Variants in GABBR2 observed in about 807,000 individuals in gnomAD.
The protein encoded by GABBR2 is G-protein coupled receptor 51.
A neutral mutation model predicts 105.6 loss-of-function variants in GABBR2; 23 were observed. The observed-to-expected ratio is 0.22, with a 90% CI of 0.16 to 0.31. The LOEUF is 0.31. GABBR2 is among the 10% of genes least tolerant of loss of function. GABBR2 has a pLI of 1.00. For synonymous variants in GABBR2, 478 were observed against 499.7 expected, an observed-to-expected ratio of 0.96 and a Z score of 0.58; for missense variants, 734 against 1,245.5, an observed-to-expected ratio of 0.59 and a Z score of 6.18.
chr9:98,514,736 A>G (rs1344571123), intron 3 of GABBR2, among the ~76,000 whole-genome samples: 1 of 151,952 alleles, frequency 6.6e-6, no homozygotes, highest in Non-Finnish European at 1.5e-5. Context: ...CCAACATGGC[A>G]CATGTATATA....
chr9:98,685,234 T>C (rs1288025481), intron 1 of GABBR2, among the ~76,000 whole-genome samples: 4 of 152,244 alleles, frequency 2.6e-5, no homozygotes, highest in Non-Finnish European at 5.9e-5. Flanking sequence ...GCTTTTGGAC[T>C]TTGGGAACTA....
intron 2 of GABBR2, among the ~76,000 whole-genome samples, chr9:98,564,524 G>A (rs186618386): frequency 1.6e-3 from 245 of 152,334 alleles, no homozygotes; most frequent in Non-Finnish European, 2.9e-3. Flanking sequence ...ACCTCTTTGT[G>A]CCTCAGTTTT....
At chr9:98,658,168 A>G (rs1179578175) in intron 1 of GABBR2, among the ~76,000 whole-genome samples, 3 of 152,178 alleles carry the variant, frequency 2.0e-5, no homozygotes, top group African/African-American at 7.2e-5. Context: ...TGATTAATAA[A>G]CAAGGAAGTT....
At chr9:98,385,078 A>G (rs1041127528) in intron 11 of GABBR2, among the ~76,000 whole-genome samples, 1 of 152,180 alleles carries the variant, frequency 6.6e-6, no homozygotes, top group Non-Finnish European at 1.5e-5. Context: ...TTCCTTCTTA[A>G]ACGATCCTGA....
intron 13 of GABBR2, among the ~76,000 whole-genome samples, chr9:98,325,102 T>A (rs1389235144): frequency 1.3e-5 from 2 of 152,128 alleles, no homozygotes. Context: ...TTTCTTTGCA[T>A]ACCTCTGGTG....
At chr9:98,321,908 CCCAGCCCTGG>C (rs1830828808) in intron 13 of GABBR2, among the ~76,000 whole-genome samples, 1 of 152,158 alleles carries the variant, frequency 6.6e-6, no homozygotes, top group Non-Finnish European at 1.5e-5. Flanking sequence ...AGGGCCACAG[CCCAGCCCTGG>C]CCTGAAACTC....
intron 13 of GABBR2, among the ~76,000 whole-genome samples, chr9:98,359,393 G>T (rs1351690108): frequency 3.9e-5 from 6 of 152,078 alleles, no homozygotes; most frequent in Non-Finnish European, 7.4e-5. Flanking sequence ...TCATGCCACT[G>T]CACTCCAGCC....
chr9:98,510,737 T>C (rs561487780), intron 3 of GABBR2, among the ~76,000 whole-genome samples: 148 of 152,004 alleles, frequency 9.7e-4, no homozygotes, highest in African/African-American at 3.4e-3. Flanking sequence ...TAAATATATA[T>C]GCACCCAATA....
Position 98,481,697 on chromosome 9 carries a change from G to A in GABBR2, c.733-700C>T, listed in dbSNP as rs147447498. ...GGATAATGGTAGTACGTTCCTTACC[G>A]GATTTCTGGGAAGACTAAGTGAAAT... is the stretch of plus-strand genomic sequence containing the variant. On this transcript the variant is annotated intron_variant, in intron 4 of 18. Coordinates refer to ENST00000259455, the MANE Select transcript of GABBR2 (RefSeq NM_005458.8). Among the ~76,000 whole-genome samples, 684 of 152,278 alleles carry A rather than the reference G, an allele frequency of 4.5e-3. 2 individuals carry two copies. The highest frequency in any genetic ancestry group is 6.9e-3 in the Non-Finnish European group (471 of 68,028).
chr9:98,637,870 T>C (rs1829902500), intron 1 of GABBR2, among the ~76,000 whole-genome samples: 1 of 152,194 alleles, frequency 6.6e-6, no homozygotes, highest in African/African-American at 2.4e-5. Context: ...TTTATGGTCA[T>C]TTGTTACAGC....
rs193124016 is a variant in GABBR2 at position 98,618,325 on chromosome 9, G to C, written c.322-40253C>G. 3.3e-5 allele frequency among the ~76,000 whole-genome samples: 5 copies of C among 152,204 alleles called. 1 individual carries two copies. Among genetic ancestry groups the C allele is most frequent in the Admixed American group, 2.6e-4 (4 of 15,288 alleles). ...AATCTTGACTTTGTGGGGATTGTTCGATCACAATAGTTGGGGGTTTGTGCG... is the reference window on the plus strand; with the variant it reads ...AATCTTGACTTTGTGGGGATTGTTCCATCACAATAGTTGGGGGTTTGTGCG... On this transcript the variant is annotated intron_variant, in intron 1 of 18. Transcript: ENST00000259455.
At chr9:98,504,814 G>C (rs1289152078) in intron 3 of GABBR2, among the ~76,000 whole-genome samples, 1 of 152,188 alleles carries the variant, frequency 6.6e-6, no homozygotes, top group Non-Finnish European at 1.5e-5. Flanking sequence ...CACCGCTGTA[G>C]CTAAGATGCT....
chr9:98,701,206 G>T (rs1192162659), intron 1 of GABBR2, among the ~76,000 whole-genome samples: 2 of 152,182 alleles, frequency 1.3e-5, no homozygotes, highest in Non-Finnish European at 2.9e-5. Context: ...TCCCTTTAAA[G>T]ATAAAGTGAG....
intron 2 of GABBR2, among the ~76,000 whole-genome samples, chr9:98,577,453 G>T (rs2779525): frequency 0.12 from 17,949 of 152,242 alleles, 1,391 homozygotes; most frequent in Admixed American, 0.21. Flanking sequence ...AAAGGCAGTC[G>T]TAGATAACAA....
chr9:98,645,428 C>G (rs1168575812), intron 1 of GABBR2, among the ~76,000 whole-genome samples: 4 of 152,262 alleles, frequency 2.6e-5, no homozygotes, highest in Non-Finnish European at 5.9e-5. Context: ...GGGAAAGAAG[C>G]TAGAAGAAGG....
At chr9:98,418,719 G>A (rs758516177) in intron 7 of GABBR2, among the ~76,000 whole-genome samples, 11 of 152,244 alleles carry the variant, frequency 7.2e-5, no homozygotes, top group Non-Finnish European at 1.6e-4. Flanking sequence ...GGTTTGGGCA[G>A]ACAGATGGAG....
intron 1 of GABBR2, among the ~76,000 whole-genome samples, chr9:98,705,812 C>T (rs1236095985): frequency 6.6e-6 from 1 of 152,204 alleles, no homozygotes; most frequent in East Asian, 1.9e-4. Context: ...CACGGTGGCT[C>T]ATGCCTGTAA....
intron 5 of GABBR2, among the ~76,000 whole-genome samples, chr9:98,479,801 T>A (rs1826875008): frequency 6.6e-6 from 1 of 152,216 alleles, no homozygotes; most frequent in Non-Finnish European, 1.5e-5. Flanking sequence ...CTCATGCTGA[T>A]GACCTTAGTT....
Position 98,293,828 on chromosome 9 carries a change from G to A in GABBR2, c.2617C>T (p.Arg873Ter), listed in dbSNP as rs1249423869. 6.2e-7 allele frequency: 1 copy of A among 1,610,684 alleles called. No homozygotes were observed. The highest frequency in any genetic ancestry group is 8.5e-7 in the Non-Finnish European group (1 of 1,176,988). ...QLQWNTTEPS[R>*]TCKDPIEDIN... Reference sequence around the variant, plus strand: ...TCTTCTATAGGATCTTTGCATGTTCGAGAGGGCTCTGTTGTGTTCCACTGT... The same window carrying A: ...TCTTCTATAGGATCTTTGCATGTTCAAGAGGGCTCTGTTGTGTTCCACTGT... Residue 873 changes from arginine to a stop codon, truncating the protein, a stop_gained, in exon 18 of 19, where the codon CGA (arginine) becomes TGA (stop). Coordinates refer to ENST00000259455, the MANE Select transcript of GABBR2 (RefSeq NM_005458.8). LOFTEE classifies it high-confidence loss of function.
Sources: gnomAD v4.1 joint callset for allele counts (sites outside exome capture counted in the v4.1 genomes callset) on GRCh38, gnomAD v4.1.1 for gene constraint, MANE v1.5 for transcripts, NCBI Gene and HGNC (gene_info 2026-07-23, HGNC 2026-07-21) for gene names.